Variants in NCAM2 observed in about 807,000 individuals in gnomAD.
The protein encoded by NCAM2 is N-CAM-2.
NCAM2 carries 30 observed loss-of-function variants against 98.1 expected under a neutral mutation model. The ratio of observed to expected loss-of-function variants is 0.31; its 90% CI spans 0.23 to 0.41. The LOEUF is 0.41. NCAM2 is among the 10% of genes least tolerant of loss of function. The pLI is 1.00. For synonymous variants in NCAM2, 368 were observed against 342.4 expected, an observed-to-expected ratio of 1.07 and a Z score of -0.83; for missense variants, 867 against 1,005.8, an observed-to-expected ratio of 0.86 and a Z score of 1.87.
At chr21:21,049,521 C>G (rs2065064988) in intron 1 of NCAM2, among the ~76,000 whole-genome samples, 1 of 151,676 alleles carries the variant, frequency 6.6e-6, no homozygotes, top group African/African-American at 2.4e-5. Context: ...ATCACACTGA[C>G]TACTTTTTTT....
chr21:21,405,045 G>A (rs1359099614), intron 9 of NCAM2, among the ~76,000 whole-genome samples: 1 of 151,758 alleles, frequency 6.6e-6, no homozygotes, highest in Non-Finnish European at 1.5e-5. Flanking sequence ...TACCGGGACT[G>A]AAAAACATCA....
chr21:21,243,349 C>A (rs1034576303), intron 1 of NCAM2, among the ~76,000 whole-genome samples: 2 of 152,160 alleles, frequency 1.3e-5, no homozygotes, highest in African/African-American at 2.4e-5. Flanking sequence ...AATACTATTA[C>A]ATTTTTTGTA....
At chr21:21,125,055 A>G (rs1307879449) in intron 1 of NCAM2, among the ~76,000 whole-genome samples, 1 of 152,116 alleles carries the variant, frequency 6.6e-6, no homozygotes, top group Non-Finnish European at 1.5e-5. Flanking sequence ...GTGTTTTATT[A>G]CATATACTAT....
At chr21:21,357,430 C>T (rs111396525) in intron 8 of NCAM2, among the ~76,000 whole-genome samples, 4 of 152,148 alleles carry the variant, frequency 2.6e-5, no homozygotes, top group African/African-American at 9.6e-5. Flanking sequence ...TTTTGAACTT[C>T]CTTTTTTCAC....
rs1460873113 is a variant in NCAM2, at chr21:21,265,220, T to A, written c.56-15358T>A. Among the ~76,000 whole-genome samples the A allele has an allele frequency of 7.9e-5, 10 of 126,556 alleles. No individual in the cohort carries two copies. The Admixed American group carries it at 8.9e-4, about 11-fold the overall frequency. 83.0% of individuals were successfully genotyped at this position (126,556 alleles called of 152,430 possible). ...TGTATGTATGTGTGTATATAGTATA[T>A]TATATTATATATATGCATGTGTATG... On this transcript the variant is annotated intron_variant, in intron 1 of 17. Coordinates refer to ENST00000400546, the MANE Select transcript of NCAM2 (RefSeq NM_004540.5).
chr21:21,251,480 T>C (rs2071467878), intron 1 of NCAM2, among the ~76,000 whole-genome samples: 1 of 152,196 alleles, frequency 6.6e-6, no homozygotes, highest in Non-Finnish European at 1.5e-5. Context: ...GCAAAGGACA[T>C]GATCTCATTG....
chr21:21,130,849 G>A (rs1256126461), intron 1 of NCAM2, among the ~76,000 whole-genome samples: 1 of 152,078 alleles, frequency 6.6e-6, no homozygotes, highest in Admixed American at 6.6e-5. Context: ...ATATAAGCTG[G>A]TAATTTATTA....
At chr21:21,143,165 T>C (rs1208384845) in intron 1 of NCAM2, among the ~76,000 whole-genome samples, 1 of 152,240 alleles carries the variant, frequency 6.6e-6, no homozygotes, top group Non-Finnish European at 1.5e-5. Context: ...TGAAGGTTCC[T>C]ATTTAGCCAA....
chr21:21,404,825 T>C (rs1297986115), intron 9 of NCAM2, among the ~76,000 whole-genome samples: 2 of 151,734 alleles, frequency 1.3e-5, no homozygotes, highest in African/African-American at 4.8e-5. Context: ...TATATACATA[T>C]ATACATATGT....
intron 1 of NCAM2, among the ~76,000 whole-genome samples, chr21:21,001,988 G>T (rs533722653): frequency 6.6e-6 from 1 of 152,074 alleles, no homozygotes; most frequent in Non-Finnish European, 1.5e-5. Flanking sequence ...ATCTTCTGTC[G>T]GGGCTGTTAC....
chr21:21,305,274 T>C (rs2073845970), intron 5 of NCAM2, among the ~76,000 whole-genome samples: 2 of 152,108 alleles, frequency 1.3e-5, no homozygotes, highest in African/African-American at 2.4e-5. Context: ...GCCAAGATTA[T>C]ACCGATGCAC....
At chr21:21,019,286 A>G (rs994900964) in intron 1 of NCAM2, among the ~76,000 whole-genome samples, 1 of 152,200 alleles carries the variant, frequency 6.6e-6, no homozygotes, top group Non-Finnish European at 1.5e-5. Flanking sequence ...TTTGATAATT[A>G]TACCTGCAAA....
intron 1 of NCAM2, among the ~76,000 whole-genome samples, chr21:21,035,205 G>A (rs2064772547): frequency 6.6e-6 from 1 of 152,090 alleles, no homozygotes; most frequent in Admixed American, 6.5e-5. Flanking sequence ...GTCACTCAAA[G>A]CAATCTGGAT....
intron 9 of NCAM2, among the ~76,000 whole-genome samples, chr21:21,395,671 T>C (rs1400788375): frequency 6.6e-6 from 1 of 151,816 alleles, no homozygotes; most frequent in Non-Finnish European, 1.5e-5. Flanking sequence ...AGACACACAG[T>C]CCAATGGAAC....
At chr21:21,363,630 T>C (rs1037786128) in intron 8 of NCAM2, among the ~76,000 whole-genome samples, 6 of 152,130 alleles carry the variant, frequency 3.9e-5, no homozygotes, top group South Asian at 2.1e-4. Context: ...GTGATTGATA[T>C]ACGTTAAAGA....
intron 16 of NCAM2, among the ~76,000 whole-genome samples, chr21:21,530,901 A>G (rs1989656258): frequency 6.6e-6 from 1 of 152,074 alleles, no homozygotes; most frequent in African/African-American, 2.4e-5. Context: ...ACAGAAGTCT[A>G]TTCCAATTCA....
rs2076855260 is a variant in NCAM2, at chr21:21,411,059, T to C, written c.1383+598T>C. Among the ~76,000 whole-genome samples the C allele has an allele frequency of 3.2e-5, 2 of 63,238 alleles. 1 individual carries two copies. The highest frequency in any genetic ancestry group is 4.6e-4 in the Admixed American group (2 of 4,376). The allele number at this position is 63,238 out of a possible 152,430, so 41.5% of individuals were successfully genotyped here. On this transcript the variant is annotated intron_variant, in intron 10 of 17. Coordinates refer to ENST00000400546, the MANE Select transcript of NCAM2 (RefSeq NM_004540.5). ...ACACATATATATATGTGTGTGTATA[T>C]ATATATATATACACACACATATATA...
rs116117071 is a variant in NCAM2, at chr21:21,389,029, A to T, written c.1195+15016A>T. Among the ~76,000 whole-genome samples, 993 of 152,334 alleles carry T rather than the reference A, an allele frequency of 6.5e-3. 11 individuals carry two copies. The highest frequency in any genetic ancestry group is 0.022 in the African/African-American group (933 of 41,568). The stretch of plus-strand genomic sequence containing the variant: ...TAATCCTCAAATCTGGGTAACTGGG[A>T]TATCCCTCACTTCAAACAGTTATCA... On this transcript the variant is annotated intron_variant, in intron 9 of 17. Transcript: ENST00000400546.
At chr21:21,270,330 C>A (rs1423183753) in intron 1 of NCAM2, among the ~76,000 whole-genome samples, 1 of 152,142 alleles carries the variant, frequency 6.6e-6, no homozygotes, top group African/African-American at 2.4e-5. Context: ...GGCCTAACTA[C>A]CACATAAGCA....
Sources: gnomAD v4.1 joint callset for allele counts (sites outside exome capture counted in the v4.1 genomes callset) on GRCh38, gnomAD v4.1.1 for gene constraint, MANE v1.5 for transcripts, NCBI Gene and HGNC (gene_info 2026-07-23, HGNC 2026-07-21) for gene names.